ULK4: variants seen among roughly 807,000 people sequenced by gnomAD.
ULK4 encodes inactive serine/threonine-protein kinase ULK4.
In ULK4, 133 loss-of-function variants were observed where a neutral mutation model predicts 160.6. The ratio of observed to expected loss-of-function variants is 0.83; its 90% CI spans 0.72 to 0.96. ULK4 has a LOEUF of 0.96. Ranked by LOEUF, ULK4 falls within the 40% of genes least tolerant of loss-of-function variation. The pLI is 0.00. For synonymous variants in ULK4, 534 were observed against 539.8 expected (o/e 0.99, Z 0.15); for missense variants, 1,580 against 1,499.5 (o/e 1.05, Z -0.89).
At chr3:41,882,975 A>C (rs1697578253) in intron 17 of ULK4, among the ~76,000 whole-genome samples, 1 of 152,078 alleles carries the variant, frequency 6.6e-6, no homozygotes, top group East Asian at 1.9e-4. Context: ...GTCACAATTC[A>C]TTTTTTTAGG....
At chr3:41,464,925 C>G (rs935882021) in intron 32 of ULK4, among the ~76,000 whole-genome samples, 2 of 152,226 alleles carry the variant, frequency 1.3e-5, no homozygotes, top group African/African-American at 4.8e-5. Context: ...GGAAGGAGTG[C>G]AAAGAATGAA....
intron 32 of ULK4, among the ~76,000 whole-genome samples, chr3:41,502,373 T>G (rs2085240711): frequency 6.6e-6 from 1 of 152,238 alleles, no homozygotes; most frequent in Admixed American, 6.5e-5. Flanking sequence ...TTTTATCTTT[T>G]AAATAACAGA....
intron 35 of ULK4, among the ~76,000 whole-genome samples, chr3:41,282,463 T>G (rs1005578906): frequency 1.3e-5 from 2 of 151,886 alleles, no homozygotes; most frequent in Non-Finnish European, 1.5e-5. Flanking sequence ...TATAGACCAA[T>G]GGAACAGAAC....
At chr3:41,324,673 T>G (rs2080308392) in intron 35 of ULK4, among the ~76,000 whole-genome samples, 1 of 151,864 alleles carries the variant, frequency 6.6e-6, no homozygotes, top group African/African-American at 2.4e-5. Context: ...TTTGAACAAG[T>G]GGAAAGCATG....
At chr3:41,863,544 T>C (rs910340897) in intron 17 of ULK4, among the ~76,000 whole-genome samples, 2 of 151,404 alleles carry the variant, frequency 1.3e-5, no homozygotes, top group Admixed American at 6.6e-5. Context: ...CAACTAGTTA[T>C]GTGGTAAGTC....
intron 34 of ULK4, among the ~76,000 whole-genome samples, chr3:41,430,322 TTTCAGCTTTA>T: frequency 6.6e-6 from 1 of 152,300 alleles, no homozygotes; most frequent in South Asian, 2.1e-4. Flanking sequence ...TAAAATAAAG[TTTCAGCTTTA>T]TAAACTAATG....
chr3:41,827,011 A>G (rs1391583457), intron 18 of ULK4, among the ~76,000 whole-genome samples: 1 of 151,036 alleles, frequency 6.6e-6, no homozygotes, highest in East Asian at 1.9e-4. Flanking sequence ...AAACTCACTG[A>G]AAACCGCTCC....
intron 17 of ULK4, among the ~76,000 whole-genome samples, chr3:41,866,069 G>A (rs1424177212): frequency 1.5e-5 from 2 of 137,842 alleles, no homozygotes; most frequent in Non-Finnish European, 3.0e-5. Flanking sequence ...TGTTTACACA[G>A]ACAAGAACAG....
chr3:41,666,884 C>T (rs929040722), intron 29 of ULK4, among the ~76,000 whole-genome samples: 6 of 152,236 alleles, frequency 3.9e-5, no homozygotes, highest in African/African-American at 1.4e-4. Flanking sequence ...TGGCTCACAC[C>T]TGTAATCCCA....
chr3:41,516,697 G>A (rs1279696074), intron 32 of ULK4, among the ~76,000 whole-genome samples: 1 of 151,188 alleles, frequency 6.6e-6, no homozygotes, highest in Non-Finnish European at 1.5e-5. Flanking sequence ...AGAGCAGTGA[G>A]GGGTGGGGGT....
At chr3:41,398,353 G>T (rs549266660) in intron 34 of ULK4, 89 bp from the exon 35 acceptor site, 3 of 1,323,224 alleles carry the variant, frequency 2.3e-6, no homozygotes, top group South Asian at 1.3e-5. Context: ...CTTGATGGGG[G>T]TGTCAGCCTG....
intron 32 of ULK4, among the ~76,000 whole-genome samples, chr3:41,556,991 A>G (rs2087324790): frequency 6.6e-6 from 1 of 152,194 alleles, no homozygotes; most frequent in African/African-American, 2.4e-5. Context: ...TAAAATATTA[A>G]CAAAGAACTA....
intron 32 of ULK4, among the ~76,000 whole-genome samples, chr3:41,515,236 G>A (rs986565798): frequency 5.3e-5 from 8 of 151,628 alleles, no homozygotes; most frequent in South Asian, 2.1e-4. Flanking sequence ...CAGTCTGGGC[G>A]ACAGAGTGAG....
intron 34 of ULK4, among the ~76,000 whole-genome samples, chr3:41,448,303 G>A (rs549639728): frequency 6.6e-6 from 1 of 152,198 alleles, no homozygotes; most frequent in South Asian, 2.1e-4. Flanking sequence ...GCTTCCTAAA[G>A]TAAGTGACAA....
At chr3:41,484,126 A>T (rs985482598) in intron 32 of ULK4, among the ~76,000 whole-genome samples, 2 of 152,200 alleles carry the variant, frequency 1.3e-5, no homozygotes, top group Non-Finnish European at 2.9e-5. Flanking sequence ...GTCTTCAGCC[A>T]CTGTTCCTAG....
At chr3:41,763,099 T>G (rs556118940) in intron 21 of ULK4, among the ~76,000 whole-genome samples, 45 of 152,152 alleles carry the variant, frequency 3.0e-4, no homozygotes, top group Non-Finnish European at 6.0e-4. Context: ...CGAATTACAA[T>G]TCAAGATAAG....
At chr3:41,363,929 TC>T (rs1332903072) in intron 35 of ULK4, among the ~76,000 whole-genome samples, 6 of 128,616 alleles carry the variant, frequency 4.7e-5, no homozygotes, top group South Asian at 2.6e-4. Context: ...CCAAATTCTC[TC>T]TCTTTTTTTT....
At chr3:41,928,050 C>T (rs1699447066) in intron 5 of ULK4, among the ~76,000 whole-genome samples, 1 of 152,152 alleles carries the variant, frequency 6.6e-6, no homozygotes, top group African/African-American at 2.4e-5. Flanking sequence ...ACAGAATATA[C>T]ATTCTTCTCA....
chr3:41,412,012 T>C (rs913970387), intron 34 of ULK4, among the ~76,000 whole-genome samples: 1 of 152,144 alleles, frequency 6.6e-6, no homozygotes, highest in Non-Finnish European at 1.5e-5. Context: ...ATACAGTAAC[T>C]TTATTTGCGT....
Sources: allele counts gnomAD v4.1 joint callset (sites outside exome capture counted in the v4.1 genomes callset), GRCh38; gene constraint gnomAD v4.1.1; transcripts MANE v1.5; gene names NCBI Gene and HGNC (gene_info 2026-07-23, HGNC 2026-07-21).